The following KCNH6 variants were observed in gnomAD, a reference collection of about 807,000 sequenced individuals.
KCNH6 encodes the protein potassium voltage-gated channel subfamily H member 6.
In KCNH6, 81 loss-of-function variants were observed where a neutral mutation model predicts 83.4. The observed-to-expected ratio is 0.97, with a 90% CI of 0.81 to 1.17. The LOEUF (loss-of-function observed/expected upper bound fraction) is 1.17. Ranked by LOEUF, KCNH6 falls within the 50% of genes most tolerant of loss-of-function variation. The pLI is 0.00. For synonymous variants in KCNH6, 503 were observed against 545.6 expected (o/e 0.92, Z 1.09); for missense variants, 1,203 against 1,290.5 (o/e 0.93, Z 1.04).
rs2033103032 is a variant in KCNH6, at chr17:63,545,538, C to G, written c.2584-71C>G. On this transcript the variant is annotated intron_variant, in intron 12 of 12. Coordinates refer to ENST00000314672, the MANE Select transcript of KCNH6 (RefSeq NM_001278919.2). ...GGCAGGTACAATTTTTGCCTGATCCCATCCCTGAAATCAGGGTGGATTAAC... is the reference window on the plus strand; with the variant it reads ...GGCAGGTACAATTTTTGCCTGATCCGATCCCTGAAATCAGGGTGGATTAAC... 5.3e-6 allele frequency: 8 copies of G among 1,509,748 alleles called. No individual in the cohort carries two copies. In the Middle Eastern group the frequency reaches 8.9e-4, roughly 168 times the overall value. The allele number at this position is 1,509,748 out of a possible 1,614,324, so 93.5% of individuals were successfully genotyped here.
rs2031487935 is a variant in KCNH6 at position 63,523,597 on chromosome 17, G to A, written c.76+108G>A. On this transcript the variant is annotated intron_variant, in intron 1 of 12. Transcript: ENST00000314672. The surrounding 1 kb of genome is among the most constrained non-coding windows in gnomAD (Gnocchi z 4.2). ...CTAACCGGGCAAGGTGGTGAGTGCC[G>A]GGTGCTGAATGAAAAATCCTTCTTT... 7.1e-6 allele frequency: 7 copies of A among 983,050 alleles called. No homozygotes were observed. The highest frequency in any genetic ancestry group is 3.4e-5 in the African/African-American group (2 of 59,098). The allele number at this position is 983,050 out of a possible 1,614,324, so 60.9% of individuals were successfully genotyped here. A position where few individuals can be genotyped will look rare whatever the true frequency, so the allele number is the denominator to read the frequency against.
At chr17:63,539,545 T>C (rs754706231) in intron 8 of KCNH6, among the ~76,000 whole-genome samples, 9 of 152,186 alleles carry the variant, frequency 5.9e-5, no homozygotes. Flanking sequence ...TCAAACTCAA[T>C]GTATCCCAAC....
chr17:63,524,381 T>C lies in KCNH6; in HGVS notation c.307+12T>C, dbSNP rs2031560128. 1 of 1,609,348 alleles carries C rather than the reference T, an allele frequency of 6.2e-7. No homozygotes were observed. Among genetic ancestry groups the C allele is most frequent in the Admixed American group, 1.7e-5 (1 of 59,954 alleles). ...CTACCGCAAGGATGGTGAGGCATACTCAGGCCAGAGGCTTTGCAGGGCAGG... is the reference window on the plus strand; with the variant it reads ...CTACCGCAAGGATGGTGAGGCATACCCAGGCCAGAGGCTTTGCAGGGCAGG... On this transcript the variant is annotated intron_variant, in intron 2 of 12. Transcript: ENST00000314672.
chr17:63,540,399 T>C (rs1302634696), intron 8 of KCNH6, among the ~76,000 whole-genome samples: 2 of 151,790 alleles, frequency 1.3e-5, no homozygotes, highest in Non-Finnish European at 2.9e-5. Flanking sequence ...GCCACTGTAC[T>C]CCAGCCTGGG....
chr17:63,534,041 A>G lies in KCNH6; in HGVS notation c.831A>G (p.Ser277=). The G allele has an allele frequency of 6.2e-7, 1 of 1,614,068 alleles. No homozygotes were observed. Among genetic ancestry groups the G allele is most frequent in the Non-Finnish European group, 8.5e-7 (1 of 1,180,008 alleles). The change falls in exon 5 of 13, where the codon TCA becomes TCG. Residue 277 remains serine (S), a synonymous_variant. Coordinates refer to ENST00000314672, the MANE Select transcript of KCNH6 (RefSeq NM_001278919.2). The surrounding 1 kb of genome is among the most constrained non-coding windows in gnomAD (Gnocchi z 5.0). ...VIYTAVFTPY[S]AAFLLSDQDE... is the part of the protein sequence containing the mutation. The stretch of plus-strand genomic sequence containing the variant: ...ACACGGCTGTCTTCACGCCCTACTC[A>G]GCCGCCTTCCTGCTCAGCGATCAGG...
chr17:63,545,204 A>G lies in KCNH6; in HGVS notation c.2523A>G (p.Ile841Met), dbSNP rs539457830. The G allele has an allele frequency of 1.7e-4, 274 of 1,613,758 alleles. 6 individuals carry two copies. The South Asian group carries it at 2.8e-3, about 16-fold the overall frequency. The change falls in exon 12 of 13, where the codon ATA becomes ATG. Residue 841 changes from isoleucine to methionine, a missense_variant. By Grantham distance (10) the Ile-to-Met change is conservative. Transcript: ENST00000314672. ...PASNDLALVPIASETTSPGPR... is the reference protein window; with the variant it reads ...PASNDLALVPMASETTSPGPR... ...CCAATGACCTGGCCTTGGTTCCTAT[A>G]GCCTCGGAGACGACGAGTCCAGGGC...
intron 2 of KCNH6, 63 bp downstream of exon 2, chr17:63,524,432 G>C: frequency 9.0e-6 from 13 of 1,447,538 alleles, no homozygotes; most frequent in Non-Finnish European, 1.2e-5. Flanking sequence ...TGTCCAGCCA[G>C]GGTGGCCTTG....
At position 63,523,392 on chromosome 17, in the gene KCNH6, G is replaced by A. The variant is rs202094439; in HGVS notation, c.-22G>A. ...GGGAGCCAGTGGCGCCTGTGGCTCC[G>A]GGCAGGGGCCGCGGCCGAAAGATGC... On this transcript the variant is annotated 5_prime_UTR_variant, in exon 1 of 13. Transcript: ENST00000314672. This position sits in a 1 kb window ranked among gnomAD's most constrained non-coding sequence, Gnocchi z 4.2. 6.3e-6 allele frequency: 10 copies of A among 1,580,682 alleles called. No homozygotes were observed. In the East Asian group the frequency reaches 7.4e-5, roughly 12 times the overall value.
In KCNH6 at chr17:63,544,313, G is replaced by GC; in HGVS notation, c.2303dup (p.Arg769LysfsTer67). 6.2e-7 allele frequency: 1 copy of GC among 1,611,746 alleles called. No homozygotes were observed. Among genetic ancestry groups the GC allele is most frequent in the Non-Finnish European group, 8.5e-7 (1 of 1,178,966 alleles). ...TCTGGCCTGAGCTACTGCAGGAAAT[G>GC]CCCCCAAGGCACAGCCCCCAAAGCC... On this transcript the variant is annotated frameshift_variant, in exon 11 of 13. Transcript: ENST00000314672. LOFTEE classifies it high-confidence loss of function.
rs759342331 is a variant in KCNH6 at position 63,523,510 on chromosome 17, G to A, written c.76+21G>A. 1 of 1,592,834 alleles carries A rather than the reference G, an allele frequency of 6.3e-7. No individual in the cohort carries two copies. The highest frequency in any genetic ancestry group is 1.4e-5 in the African/African-American group (1 of 73,016). On this transcript the variant is annotated intron_variant, in intron 1 of 12. Transcript: ENST00000314672. The surrounding 1 kb of genome is among the most constrained non-coding windows in gnomAD (Gnocchi z 4.2). ...CCAAAGTGAGTGTGTGTATGTTGGG[G>A]CGGGGGGACGATCTGGAGTCCTGGT...
intron 6 of KCNH6, chr17:63,536,312 A>G: frequency 1.9e-6 from 1 of 539,888 alleles, no homozygotes; most frequent in Non-Finnish European, 3.3e-6. Context: ...TGCAGAGCCC[A>G]GAGCAAAATG....
Position 63,538,397 on chromosome 17 carries a change from G to T in KCNH6, c.1702-13G>T, listed in dbSNP as rs780921227. ...CGGCCGCGTCCCGCTGGACTTGGCCGCCCGCCTTGCAGGTGCTGAAGGGCT... is the reference window on the plus strand; with the variant it reads ...CGGCCGCGTCCCGCTGGACTTGGCCTCCCGCCTTGCAGGTGCTGAAGGGCT... On this transcript the variant is annotated splice_polypyrimidine_tract_variant and intron_variant, in intron 7 of 12. Transcript: ENST00000314672. The surrounding 1 kb of genome is among the most constrained non-coding windows in gnomAD (Gnocchi z 4.0). 8 of 1,588,714 alleles carry T rather than the reference G, an allele frequency of 5.0e-6. No homozygotes were observed. The highest frequency in any genetic ancestry group is 6.0e-6 in the Non-Finnish European group (7 of 1,169,156).
In KCNH6 at chr17:63,533,569, C is replaced by T. The variant is rs998605048; in HGVS notation, c.676-317C>T. 6.6e-6 allele frequency among the ~76,000 whole-genome samples: 1 copy of T among 152,104 alleles called. No individual in the cohort carries two copies. The highest frequency in any genetic ancestry group is 2.4e-5 in the African/African-American group (1 of 41,408). ...TAGATGTCCATGGGCCTGGCCCTCC[C>T]CTGCCTGGCTCCACCCACTCCAGGA... On this transcript the variant is annotated intron_variant, in intron 4 of 12. Transcript: ENST00000314672. This position sits in a 1 kb window ranked among gnomAD's most constrained non-coding sequence, Gnocchi z 4.1.
chr17:63,538,739 G>A lies in KCNH6; in HGVS notation c.1954+77G>A, dbSNP rs571031149. 138 of 1,408,498 alleles carry A rather than the reference G, an allele frequency of 9.8e-5. No individual in the cohort carries two copies. The highest frequency in any genetic ancestry group is 1.9e-4 in the Middle Eastern group (1 of 5,372). 87.3% of individuals were successfully genotyped at this position (1,408,498 alleles called of 1,614,324 possible). ...GCGGGATTGGAGATGCCCTGCCCAGGCCACCCTCTTCCTGATGAGGATTTT... is the reference window on the plus strand; with the variant it reads ...GCGGGATTGGAGATGCCCTGCCCAGACCACCCTCTTCCTGATGAGGATTTT... On this transcript the variant is annotated intron_variant, in intron 8 of 12. Transcript: ENST00000314672. The surrounding 1 kb of genome is among the most constrained non-coding windows in gnomAD (Gnocchi z 4.0).
chr17:63,543,671 C>T lies in KCNH6; in HGVS notation c.2233+11C>T, dbSNP rs1303140002. The T allele has an allele frequency of 3.8e-6, 6 of 1,561,792 alleles. No homozygotes were observed. In the East Asian group the frequency reaches 1.3e-4, roughly 35 times the overall value. ...GTGACAACCAGTCAGGTGAGCAAAGCCAGCCCCCACCCCCACCAGCCTGTA... is the reference window on the plus strand; with the variant it reads ...GTGACAACCAGTCAGGTGAGCAAAGTCAGCCCCCACCCCCACCAGCCTGTA... On this transcript the variant is annotated intron_variant, in intron 10 of 12. Coordinates refer to ENST00000314672, the MANE Select transcript of KCNH6 (RefSeq NM_001278919.2).
rs764333218 is a variant in KCNH6, at chr17:63,535,794, G to T, written c.1227G>T (p.Ala409=). The T allele has an allele frequency of 6.2e-7, 1 of 1,614,234 alleles. No homozygotes were observed. The highest frequency in any genetic ancestry group is 1.6e-4 in the Middle Eastern group (1 of 6,062). ...AVLFLLMCTF[A]LIAHWLACIW... ...TCTTCTTGCTCATGTGCACCTTCGCGCTCATAGCGCACTGGCTGGCCTGCA... is the reference window on the plus strand; with the variant it reads ...TCTTCTTGCTCATGTGCACCTTCGCTCTCATAGCGCACTGGCTGGCCTGCA... The change falls in exon 6 of 13, where the codon GCG becomes GCT. Residue 409 remains alanine, a synonymous_variant. Coordinates refer to ENST00000314672, the MANE Select transcript of KCNH6 (RefSeq NM_001278919.2). The surrounding 1 kb of genome is among the most constrained non-coding windows in gnomAD (Gnocchi z 4.9).
intron 6 of KCNH6, among the ~76,000 whole-genome samples, chr17:63,536,659 A>T (rs1159145139): frequency 6.6e-6 from 1 of 151,464 alleles, no homozygotes; most frequent in Admixed American, 6.6e-5. Context: ...AGAAAAAAAA[A>T]TTATTAAGAA....
At position 63,538,063 on chromosome 17, in the gene KCNH6, A is replaced by C. The variant is rs1040921992; in HGVS notation, c.1502-2A>C. ...GGAGCTCACTCTCCGCCCCGCCCCCAGCCCTGATGTACGCCAGCATCTTCG... is the reference window on the plus strand; with the variant it reads ...GGAGCTCACTCTCCGCCCCGCCCCCCGCCCTGATGTACGCCAGCATCTTCG... On this transcript the variant is annotated splice_acceptor_variant, in intron 6 of 12. Transcript: ENST00000314672. LOFTEE classifies it high-confidence loss of function. The surrounding 1 kb of genome is among the most constrained non-coding windows in gnomAD (Gnocchi z 4.0). 1 of 1,612,786 alleles carries C rather than the reference A, an allele frequency of 6.2e-7. No homozygotes were observed. Among genetic ancestry groups the C allele is most frequent in the South Asian group, 1.1e-5 (1 of 91,044 alleles).
intron 9 of KCNH6, among the ~76,000 whole-genome samples, 162 bp downstream of exon 9, chr17:63,542,596 G>A (rs1323564780): frequency 2.0e-5 from 3 of 152,216 alleles, no homozygotes; most frequent in African/African-American, 4.8e-5. Flanking sequence ...CTAAGTATGA[G>A]GATAGCTACT....
Sources: gnomAD v4.1 joint callset for allele counts (sites outside exome capture counted in the v4.1 genomes callset) on GRCh38, gnomAD v4.1.1 for gene constraint, Gnocchi (gnomAD v3.1) non-coding constraint, MANE v1.5 for transcripts, NCBI Gene and HGNC (gene_info 2026-07-23, HGNC 2026-07-21) for gene names.